Variants in TNPO1 observed in about 807,000 individuals in gnomAD.
TNPO1 encodes the protein transportin 1.
A neutral mutation model predicts 119.5 loss-of-function variants in TNPO1; 8 were observed. The observed-to-expected ratio is 0.07, with a 90% CI of 0.04 to 0.12. TNPO1 has a LOEUF of 0.12. Among genes scored for constraint, TNPO1 ranks in the 10% least tolerant of loss-of-function variants. The probability of loss-of-function intolerance (pLI) is 1.00; values close to 1 mark genes in which losing one functional copy is unlikely to be tolerated. For missense variants in TNPO1, 576 were observed against 1,089.8 expected, an observed-to-expected ratio of 0.53 and a Z score of 6.64; for synonymous variants, 362 against 363.0, an observed-to-expected ratio of 1.00 and a Z score of 0.03.
At chr5:72,835,688 C>T (rs1744666693) in intron 1 of TNPO1, among the ~76,000 whole-genome samples, 1 of 152,218 alleles carries the variant, frequency 6.6e-6, no homozygotes, top group South Asian at 2.1e-4. Context: ...ACATTCAAAT[C>T]ATAGCATTCT....
At chr5:72,865,817 G>A (rs1287387566) in intron 6 of TNPO1, 88 bp downstream of exon 6, 2 of 1,346,182 alleles carry the variant, frequency 1.5e-6, no homozygotes, top group Admixed American at 2.3e-5. Context: ...TTTGACATTA[G>A]CAAAAGATCA....
chr5:72,856,053 T>A, intron 4 of TNPO1, 130 bp downstream of exon 4: 1 of 935,514 alleles, frequency 1.1e-6, no homozygotes, highest in Non-Finnish European at 1.6e-6. Flanking sequence ...TCATTGCCTT[T>A]AAATGCTTTT....
At chr5:72,885,425 C>A (rs975350221) in intron 11 of TNPO1, among the ~76,000 whole-genome samples, 16 of 152,216 alleles carry the variant, frequency 1.1e-4, no homozygotes. Flanking sequence ...GATGGGGGAA[C>A]ACTTCCTCTT....
Position 72,883,209 on chromosome 5 carries a change from A to T in TNPO1, c.1127A>T (p.Asp376Val). The change falls in exon 11 of 25, where the codon GAT becomes GTT. Residue 376 changes from aspartate (D) to valine (V), a missense_variant. Asp to Val is a radical substitution (Grantham distance 152, BLOSUM62 -3). Transcript: ENST00000337273. ...GATGATGATGAAATTGATGATGATG[A>T]TACAATTTCTGACTGGAATCTAAGT... The part of the protein sequence containing the change: ...DDDDDEIDDD[D>V]TISDWNLRKC... The T allele has an allele frequency of 6.5e-7, 1 of 1,529,360 alleles. No individual in the cohort carries two copies. Among genetic ancestry groups the T allele is most frequent in the Non-Finnish European group, 9.1e-7 (1 of 1,102,830 alleles). 94.7% of individuals were successfully genotyped at this position (1,529,360 alleles called of 1,614,324 possible).
chr5:72,883,137 C>T lies in TNPO1; in HGVS notation c.1055C>T (p.Thr352Met), dbSNP rs1234511668. The stretch of plus-strand genomic sequence containing the variant: ...CGGCCACGTTTTCACCGATCGAGGA[C>T]GGTGGCTCAGCAGCATGATGAAGAT... ...DIRPRFHRSR[T>M]VAQQHDEDGI... Residue 352 changes from threonine (T) to methionine (M), a missense_variant, in exon 11 of 25, where the codon ACG becomes ATG. Physicochemically the swap from Thr to Met is moderately conservative, Grantham distance 81. This residue lies in a region of TNPO1 where 310 missense variants were observed against 583.0 expected (regional missense o/e 0.53). Coordinates refer to ENST00000337273, the MANE Select transcript of TNPO1 (RefSeq NM_002270.4). 10 of 1,613,862 alleles carry T rather than the reference C, an allele frequency of 6.2e-6. No individual in the cohort carries two copies. Among genetic ancestry groups the T allele is most frequent in the South Asian group, 1.1e-5 (1 of 91,076 alleles).
At chr5:72,899,259 T>C (rs915764662) in intron 20 of TNPO1, among the ~76,000 whole-genome samples, 1 of 152,202 alleles carries the variant, frequency 6.6e-6, no homozygotes, top group Admixed American at 6.5e-5. Context: ...TTTATTAGAA[T>C]TTTATTTCAA....
chr5:72,875,134 A>G (rs890786309), intron 7 of TNPO1, among the ~76,000 whole-genome samples: 1 of 152,248 alleles, frequency 6.6e-6, no homozygotes, highest in Non-Finnish European at 1.5e-5. Flanking sequence ...GACGTAGGGA[A>G]CAGCATAATA....
chr5:72,906,579 C>T (rs1368685073), intron 24 of TNPO1, among the ~76,000 whole-genome samples: 1 of 152,168 alleles, frequency 6.6e-6, no homozygotes, highest in Non-Finnish European at 1.5e-5. Context: ...GCGTAAGCCA[C>T]TGAGCCCAGT....
In TNPO1 at chr5:72,851,449, C is replaced by T. The variant is rs544737681; in HGVS notation, c.205+130C>T. On this transcript the variant is annotated intron_variant, in intron 3 of 24. Coordinates refer to ENST00000337273, the MANE Select transcript of TNPO1 (RefSeq NM_002270.4). ...GCTTTATAGATGTGGGATAAACAGT[C>T]TTAGTTAATACCACTCAGTATTTAC... The T allele has an allele frequency of 3.5e-5, 21 of 597,588 alleles. No homozygotes were observed. In the African/African-American group the frequency reaches 4.0e-4, roughly 11 times the overall value. The allele number at this position is 597,588 out of a possible 1,614,324, so 37.0% of individuals were successfully genotyped here.
At chr5:72,823,195 G>C (rs1477722961) in intron 1 of TNPO1, among the ~76,000 whole-genome samples, 1 of 152,112 alleles carries the variant, frequency 6.6e-6, no homozygotes, top group Non-Finnish European at 1.5e-5. Flanking sequence ...AGGTGGGAAA[G>C]ATATCTGTCA....
intron 1 of TNPO1, among the ~76,000 whole-genome samples, chr5:72,845,296 TTTAA>T (rs1206202267): frequency 9.9e-5 from 15 of 152,214 alleles, no homozygotes; most frequent in Non-Finnish European, 1.8e-4. Flanking sequence ...TGATATTCTA[TTTAA>T]TTAATATAAA....
intron 24 of TNPO1, among the ~76,000 whole-genome samples, chr5:72,907,608 AC>A (rs1169601152): frequency 3.3e-5 from 5 of 152,236 alleles, no homozygotes; most frequent in African/African-American, 7.2e-5. Context: ...CAGTAATCTT[AC>A]CTTATTTCTT....
chr5:72,854,370 A>G (rs957045925), intron 3 of TNPO1, among the ~76,000 whole-genome samples: 1 of 152,204 alleles, frequency 6.6e-6, no homozygotes, highest in African/African-American at 2.4e-5. Flanking sequence ...TTTTGCCTCT[A>G]CATGTTGCTT....
At position 72,839,580 on chromosome 5, in the gene TNPO1, T is replaced by C. The variant is rs556319972; in HGVS notation, c.16-8805T>C. On this transcript the variant is annotated intron_variant, in intron 1 of 24. Coordinates refer to ENST00000337273, the MANE Select transcript of TNPO1 (RefSeq NM_002270.4). ...AATTATTATGTAACTTTAAATAGTA[T>C]GTTCTTATGTTTTGGTTTTCATTAA... Among the ~76,000 whole-genome samples, 28 of 152,332 alleles carry C rather than the reference T, an allele frequency of 1.8e-4. No individual in the cohort carries two copies. The East Asian group carries it at 4.8e-3, about 26-fold the overall frequency.
intron 7 of TNPO1, among the ~76,000 whole-genome samples, chr5:72,873,751 G>T (rs192225605): frequency 7.9e-5 from 12 of 152,156 alleles, no homozygotes; most frequent in African/African-American, 2.4e-4. Context: ...TTTAACCTTA[G>T]ATGCTTTATT....
At chr5:72,879,523 T>A (rs533938953) in intron 9 of TNPO1, among the ~76,000 whole-genome samples, 2 of 152,300 alleles carry the variant, frequency 1.3e-5, no homozygotes, top group South Asian at 4.1e-4. Flanking sequence ...TGAGTTTTAC[T>A]TATGTCTTCC....
intron 9 of TNPO1, among the ~76,000 whole-genome samples, chr5:72,879,673 T>A (rs1160442788): frequency 1.3e-5 from 2 of 152,228 alleles, no homozygotes; most frequent in Non-Finnish European, 2.9e-5. Flanking sequence ...GCCACTTTTA[T>A]ATATAAAACG....
intron 23 of TNPO1, among the ~76,000 whole-genome samples, 192 bp from the exon 24 acceptor site, chr5:72,905,111 A>G (rs991248320): frequency 3.9e-5 from 6 of 152,200 alleles, no homozygotes; most frequent in South Asian, 4.1e-4. Context: ...ACAATTCAAG[A>G]TGAGATTTGG....
intron 11 of TNPO1, among the ~76,000 whole-genome samples, chr5:72,884,307 G>T (rs1434923388): frequency 1.3e-5 from 2 of 151,992 alleles, no homozygotes; most frequent in African/African-American, 4.8e-5. Context: ...TTTCCTGGTG[G>T]ACCTGCTCTT....
Sources: allele counts gnomAD v4.1 joint callset (sites outside exome capture counted in the v4.1 genomes callset), GRCh38; gene constraint gnomAD v4.1.1; regional missense constraint gnomAD v4.1.1; transcripts MANE v1.5; gene names NCBI Gene and HGNC (gene_info 2026-07-23, HGNC 2026-07-21).